NMBR: variants seen among roughly 807,000 people sequenced by gnomAD.
NMBR encodes neuromedin B receptor, also known as neuromedin-B receptor.
A neutral mutation model predicts 20.5 loss-of-function variants in NMBR; 16 were observed. The observed-to-expected ratio is 0.78, with a 90% confidence interval of 0.53 to 1.19. The LOEUF is 1.19. Ranked by LOEUF, NMBR falls within the 50% of genes most tolerant of loss-of-function variation. The pLI is 0.00. For missense variants in NMBR, 582 were observed against 499.1 expected, an observed-to-expected ratio of 1.17 and a Z score of -1.58; for synonymous variants, 212 against 196.6, an observed-to-expected ratio of 1.08 and a Z score of -0.65.
intron 1 of NMBR, among the ~76,000 whole-genome samples, chr6:142,146,055 T>TAAGAGA (rs1778426406): frequency 1.3e-5 from 2 of 152,072 alleles, no homozygotes; most frequent in Admixed American, 6.5e-5. Context: ...ATAGTGGGAG[T>TAAGAGA]AAGAGAAAGA....
At chr6:142,135,020 G>A in intron 1 of NMBR, 1 of 446,002 alleles carries the variant, frequency 2.2e-6, no homozygotes. Flanking sequence ...TTACTTCAAT[G>A]TGTCTGAAAT....
In NMBR at chr6:142,078,718, T is replaced by A; in HGVS notation, c.608A>T (p.Gln203Leu). The change falls in exon 3 of 4, where the codon CAA (glutamine) becomes CTA (leucine). Residue 203 changes from glutamine (Q) to leucine (L), a missense_variant. Physicochemically the swap from Gln to Leu is moderately radical, Grantham distance 113 (BLOSUM62 -2). Transcript: ENST00000258042. ...AATCTTTGGATGTAATTCATCTGTT[T>A]GAGGGTATGGGATACATGCTGTGAA... ...SSFTACIPYP[Q>L]TDELHPKIHS... 6.2e-7 allele frequency: 1 copy of A among 1,613,972 alleles called. No homozygotes were observed. The highest frequency in any genetic ancestry group is 8.5e-7 in the Non-Finnish European group (1 of 1,179,980).
At chr6:142,113,704 T>C (rs1777808502) in intron 1 of NMBR, among the ~76,000 whole-genome samples, 1 of 152,180 alleles carries the variant, frequency 6.6e-6, no homozygotes, top group African/African-American at 2.4e-5. Flanking sequence ...TGTTTTCTTA[T>C]CCACAATAGA....
chr6:142,082,943 C>A (rs1190712451), intron 2 of NMBR, among the ~76,000 whole-genome samples: 2 of 152,146 alleles, frequency 1.3e-5, no homozygotes, highest in Non-Finnish European at 2.9e-5. Context: ...ACCATAAACC[C>A]AAGCCTGATG....
chr6:142,090,551 A>C (rs1777304212), intron 1 of NMBR, among the ~76,000 whole-genome samples: 1 of 150,120 alleles, frequency 6.7e-6, no homozygotes, highest in South Asian at 2.1e-4. Flanking sequence ...TAGAATATTT[A>C]TGTATAAATA....
intron 1 of NMBR, among the ~76,000 whole-genome samples, chr6:142,146,116 G>C (rs1398939699): frequency 6.6e-6 from 1 of 152,150 alleles, no homozygotes; most frequent in Non-Finnish European, 1.5e-5. Flanking sequence ...CTGAGATTGG[G>C]GAAGAAGACA....
chr6:142,124,167 A>G lies in NMBR; in HGVS notation c.-664+22877T>C, dbSNP rs142335169. ...CAAAATTTATTGAAAACAAACCCAC[A>G]GATCAAGACAGCTCCAGAAACCCCA... On this transcript the variant is annotated intron_variant, in intron 1 of 3. Transcript: ENST00000258042. Among the ~76,000 whole-genome samples, 450 of 152,078 alleles carry G rather than the reference A, an allele frequency of 3.0e-3. 2 individuals carry two copies. Among genetic ancestry groups the G allele is most frequent in the South Asian group, 0.012 (58 of 4,826 alleles).
At position 142,088,514 on chromosome 6, in the gene NMBR, G is replaced by A; in HGVS notation, c.145C>T (p.Leu49Phe). ...CCCACGGTGATGATGAGCAGGTAGA[G>A]GGACGGGATCACACAGCGGATCACC... ...ELVIRCVIPS[L>F]YLLIITVGLL... The change falls in exon 2 of 4, where the codon CTC (leucine) becomes TTC (phenylalanine). Residue 49 changes from leucine (L) to phenylalanine (F), a missense_variant. Physicochemically the swap from Leu to Phe is conservative, Grantham distance 22 (BLOSUM62 0). Coordinates refer to ENST00000258042, the MANE Select transcript of NMBR (RefSeq NM_002511.4). The A allele has an allele frequency of 6.2e-7, 1 of 1,614,076 alleles. No homozygotes were observed. Among genetic ancestry groups the A allele is most frequent in the Non-Finnish European group, 8.5e-7 (1 of 1,180,016 alleles).
chr6:142,112,455 T>A (rs1269027719), intron 1 of NMBR, among the ~76,000 whole-genome samples: 5 of 65,654 alleles, frequency 7.6e-5, no homozygotes, highest in Non-Finnish European at 2.5e-4. Context: ...CAATAAACAT[T>A]ATGCTCAAAT....
intron 1 of NMBR, among the ~76,000 whole-genome samples, chr6:142,100,714 T>C (rs1046828920): frequency 2.0e-5 from 3 of 152,198 alleles, no homozygotes; most frequent in African/African-American, 7.2e-5. Flanking sequence ...AATCATGATG[T>C]CTCAATATAG....
rs1554256602 is a variant in NMBR at position 142,075,109 on chromosome 6, T to TATAC, written c.*538_*539insGTAT. ...ACATATATACATATACATATATATA[T>TATAC]ACACACACACACACACTCATGCAAT... is the stretch of plus-strand genomic sequence containing the variant. On this transcript the variant is annotated 3_prime_UTR_variant, in exon 4 of 4. Transcript: ENST00000258042. Among the ~76,000 whole-genome samples, 10 of 149,880 alleles carry TATAC rather than the reference T, an allele frequency of 6.7e-5. No individual in the cohort carries two copies. Among genetic ancestry groups the TATAC allele is most frequent in the East Asian group, 3.9e-4 (2 of 5,066 alleles).
At chr6:142,110,050 G>A (rs577231360) in intron 1 of NMBR, among the ~76,000 whole-genome samples, 5 of 152,220 alleles carry the variant, frequency 3.3e-5, no homozygotes, top group Non-Finnish European at 5.9e-5. Context: ...AGATGGCTAC[G>A]ACCAAATAGA....
At chr6:142,133,399 T>C (rs925133092) in intron 1 of NMBR, among the ~76,000 whole-genome samples, 1 of 152,160 alleles carries the variant, frequency 6.6e-6, no homozygotes, top group Non-Finnish European at 1.5e-5. Context: ...TGTTTTAGTG[T>C]GGCTCACTCT....
intron 1 of NMBR, among the ~76,000 whole-genome samples, chr6:142,107,362 A>G (rs2114586295): frequency 6.6e-6 from 1 of 152,332 alleles, no homozygotes; most frequent in Non-Finnish European, 1.5e-5. Context: ...AAAACTATAA[A>G]GCAATCAGCC....
chr6:142,075,864 G>A lies in NMBR; in HGVS notation c.957C>T (p.Val319=). Residue 319 remains valine (V), a synonymous_variant, in exon 4 of 4, where the codon GTC becomes GTT. Transcript: ENST00000258042. ...ARVLSFGNSC[V]NPFALYLLSE... is the part of the protein sequence containing the mutation. Reference sequence around the variant, plus strand: ...TGAGTAGGTAAAGAGCAAATGGGTTGACACAAGAATTGCCAAAACTGAGAA... The same window carrying A: ...TGAGTAGGTAAAGAGCAAATGGGTTAACACAAGAATTGCCAAAACTGAGAA... The A allele has an allele frequency of 6.2e-7, 1 of 1,614,014 alleles. No homozygotes were observed. The highest frequency in any genetic ancestry group is 8.5e-7 in the Non-Finnish European group (1 of 1,179,966).
At chr6:142,133,528 A>G (rs58269629) in intron 1 of NMBR, among the ~76,000 whole-genome samples, 193 of 152,292 alleles carry the variant, frequency 1.3e-3, no homozygotes, top group African/African-American at 4.0e-3. Flanking sequence ...TCTAATTTTC[A>G]AAAAGAAGTA....
chr6:142,146,681 A>T lies in NMBR; in HGVS notation c.-664+363T>A, dbSNP rs148132755. 5.1e-4 allele frequency among the ~76,000 whole-genome samples: 78 copies of T among 152,370 alleles called. 1 individual carries two copies. The East Asian group carries it at 0.015, about 29-fold the overall frequency. On this transcript the variant is annotated intron_variant, in intron 1 of 3. Coordinates refer to ENST00000258042, the MANE Select transcript of NMBR (RefSeq NM_002511.4). ...ACTAGCCAGCTGAGAACAAAAGTTC[A>T]ATCTTCTTTAAGCTTCATATGTTTA...
At chr6:142,143,767 C>T (rs1271672890) in intron 1 of NMBR, among the ~76,000 whole-genome samples, 1 of 136,120 alleles carries the variant, frequency 7.3e-6, no homozygotes, top group African/African-American at 2.6e-5. Flanking sequence ...ATAGCCAACA[C>T]AATTTTGCAA....
chr6:142,107,562 GAC>G (rs1435252171), intron 1 of NMBR, among the ~76,000 whole-genome samples: 1 of 152,134 alleles, frequency 6.6e-6, no homozygotes, highest in Non-Finnish European at 1.5e-5. Context: ...GGAAAAAATA[GAC>G]ATTATTGAAA....
Sources: gnomAD v4.1 joint callset for allele counts (sites outside exome capture counted in the v4.1 genomes callset) on GRCh38, gnomAD v4.1.1 for gene constraint, MANE v1.5 for transcripts, NCBI Gene and HGNC (gene_info 2026-07-23, HGNC 2026-07-21) for gene names.